DCLK2: variants seen among roughly 807,000 people sequenced by gnomAD.
DCLK2 encodes doublecortin like kinase 2.
Under a neutral mutation model 78.4 loss-of-function variants are expected in DCLK2, and 31 were observed. The ratio of observed to expected loss-of-function variants is 0.40; its 90% CI spans 0.30 to 0.53. The LOEUF (loss-of-function observed/expected upper bound fraction) is 0.53. DCLK2 is among the 20% of genes least tolerant of loss of function. The pLI is 0.61. For synonymous variants in DCLK2, 407 were observed against 374.9 expected (o/e 1.09, Z -0.99); for missense variants, 872 against 973.7 (o/e 0.90, Z 1.39).
intron 7 of DCLK2, among the ~76,000 whole-genome samples, chr4:150,223,684 C>T (rs1039959179): frequency 2.6e-5 from 4 of 152,020 alleles, no homozygotes; most frequent in Non-Finnish European, 5.9e-5. Flanking sequence ...GCGGAGGATG[C>T]AGTGAGCCAA....
At chr4:150,150,476 C>CTA (rs1020503814) in intron 2 of DCLK2, among the ~76,000 whole-genome samples, 1 of 151,924 alleles carries the variant, frequency 6.6e-6, no homozygotes, top group African/African-American at 2.4e-5. Flanking sequence ...CATTTTATTA[C>CTA]TAAAAAATAA....
chr4:150,098,550 C>T (rs184488710), intron 1 of DCLK2, among the ~76,000 whole-genome samples: 21 of 152,066 alleles, frequency 1.4e-4, no homozygotes, highest in African/African-American at 4.3e-4. Context: ...TTTTGGGGTA[C>T]GAGTGGTTTA....
chr4:150,243,875 T>C (rs987375355), intron 12 of DCLK2, among the ~76,000 whole-genome samples: 11 of 151,460 alleles, frequency 7.3e-5, no homozygotes, highest in Admixed American at 6.6e-4. Context: ...CTTTTTTTTT[T>C]TTTTTTTTGG....
At chr4:150,198,482 C>CG (rs5862911) in intron 4 of DCLK2, among the ~76,000 whole-genome samples, 76,172 of 151,906 alleles carry the variant, frequency 0.5, 21,214 homozygotes, top group Non-Finnish European at 0.64. Flanking sequence ...CACATGCACA[C>CG]ACTCTGCCCA....
intron 2 of DCLK2, among the ~76,000 whole-genome samples, chr4:150,192,266 G>GT (rs892226741): frequency 9.9e-5 from 15 of 152,170 alleles, no homozygotes; most frequent in African/African-American, 3.6e-4. Context: ...AGATCACGAG[G>GT]TCAGGAGATC....
chr4:150,182,654 A>G (rs1331377332), intron 2 of DCLK2, among the ~76,000 whole-genome samples: 1 of 152,124 alleles, frequency 6.6e-6, no homozygotes, highest in Non-Finnish European at 1.5e-5. Flanking sequence ...TATATGTAGT[A>G]GAATATTGTT....
intron 2 of DCLK2, among the ~76,000 whole-genome samples, chr4:150,168,808 C>G (rs1736292963): frequency 6.6e-6 from 1 of 152,208 alleles, no homozygotes. Context: ...ATCCACAATT[C>G]TCACTGATCA....
At chr4:150,089,116 C>T (rs1729868101) in intron 1 of DCLK2, among the ~76,000 whole-genome samples, 1 of 150,136 alleles carries the variant, frequency 6.7e-6, no homozygotes, top group Non-Finnish European at 1.5e-5. Context: ...CTGGTCCAAG[C>T]ATTTTGGATA....
rs771956460 is a variant in DCLK2 at position 150,102,792 on chromosome 4, T to C, written c.736T>C (p.Cys246Arg). The part of the protein sequence containing the change: ...KLDSGVVKRL[C>R]TLDGKQVTCL... ...AGACTCAGGAGTCGTCAAGAGGCTC[T>C]GCACCCTGGATGGAAAGCAGGTAAG... The change falls in exon 2 of 16, where the codon TGC becomes CGC. Residue 246 changes from cysteine to arginine, a missense_variant. Coordinates refer to ENST00000296550, the MANE Select transcript of DCLK2 (RefSeq NM_001040260.4). 6.2e-7 allele frequency: 1 copy of C among 1,607,342 alleles called. No homozygotes were observed. Among genetic ancestry groups the C allele is most frequent in the Non-Finnish European group, 8.5e-7 (1 of 1,176,628 alleles).
chr4:150,227,875 C>T (rs1741732726), intron 8 of DCLK2, among the ~76,000 whole-genome samples: 1 of 152,138 alleles, frequency 6.6e-6, no homozygotes, highest in Admixed American at 6.5e-5. Flanking sequence ...GTATTCGTTT[C>T]CCCAGGCTGT....
intron 2 of DCLK2, among the ~76,000 whole-genome samples, chr4:150,127,135 TC>T (rs1476866293): frequency 3.3e-5 from 5 of 152,210 alleles, no homozygotes; most frequent in African/African-American, 1.2e-4. Flanking sequence ...TTAGTGTTGG[TC>T]ACTTGGTTAA....
At chr4:150,161,301 T>A (rs1377396760) in intron 2 of DCLK2, among the ~76,000 whole-genome samples, 1 of 152,182 alleles carries the variant, frequency 6.6e-6, no homozygotes, top group Non-Finnish European at 1.5e-5. Context: ...TCAACTAACC[T>A]CTATAAATTA....
chr4:150,108,656 A>C (rs1731442720), intron 2 of DCLK2, among the ~76,000 whole-genome samples: 1 of 152,200 alleles, frequency 6.6e-6, no homozygotes, highest in Admixed American at 6.5e-5. Flanking sequence ...TGAAAGAGTG[A>C]CATTCTCATA....
At chr4:150,122,552 A>G (rs1050926728) in intron 2 of DCLK2, among the ~76,000 whole-genome samples, 4 of 152,194 alleles carry the variant, frequency 2.6e-5, no homozygotes, top group Non-Finnish European at 5.9e-5. Flanking sequence ...GAGTTGAACG[A>G]TAAGAACACA....
At chr4:150,165,261 TTGTC>T (rs1242058332) in intron 2 of DCLK2, among the ~76,000 whole-genome samples, 4 of 152,252 alleles carry the variant, frequency 2.6e-5, no homozygotes, top group African/African-American at 9.6e-5. Flanking sequence ...CTTCTGATCT[TTGTC>T]TGCCTTTGAG....
At chr4:150,099,507 A>G (rs962256984) in intron 1 of DCLK2, among the ~76,000 whole-genome samples, 4 of 152,244 alleles carry the variant, frequency 2.6e-5, no homozygotes, top group African/African-American at 9.6e-5. Flanking sequence ...GGGACATTAT[A>G]AGACAAGCTA....
Position 150,256,119 on chromosome 4 carries a change from G to C in DCLK2, c.2173G>C (p.Val725Leu). The part of the protein sequence containing the change: ...MEPISPVPPS[V>L]EEIPVPGEAV... Reference sequence around the variant, plus strand: ...GCCCATCTCTCCAGTTCCTCCCTCAGTGGAGGAGATCCCTGTGCCTGGGGA... The same window carrying C: ...GCCCATCTCTCCAGTTCCTCCCTCACTGGAGGAGATCCCTGTGCCTGGGGA... Residue 725 changes from valine to leucine, a missense_variant, in exon 16 of 16, where the codon GTG (valine) becomes CTG (leucine). Physicochemically the swap from Val to Leu is conservative, Grantham distance 32. This residue lies in a region of DCLK2 where 219 missense variants were observed against 230.1 expected (regional missense o/e 0.95). Transcript: ENST00000296550. 6.2e-7 allele frequency: 1 copy of C among 1,612,638 alleles called. No individual in the cohort carries two copies. Among genetic ancestry groups the C allele is most frequent in the Non-Finnish European group, 8.5e-7 (1 of 1,179,854 alleles).
chr4:150,210,673 C>T (rs1339737790), intron 5 of DCLK2, among the ~76,000 whole-genome samples: 1 of 152,096 alleles, frequency 6.6e-6, no homozygotes, highest in Non-Finnish European at 1.5e-5. Flanking sequence ...TCTGGCAAGG[C>T]ACAGTCGCTC....
intron 1 of DCLK2, among the ~76,000 whole-genome samples, chr4:150,101,026 G>A (rs1252894033): frequency 6.6e-6 from 1 of 152,130 alleles, no homozygotes; most frequent in East Asian, 1.9e-4. Context: ...GTCAAGGTGG[G>A]TGACTCGCTT....
Sources: allele counts gnomAD v4.1 joint callset (sites outside exome capture counted in the v4.1 genomes callset), GRCh38; gene constraint gnomAD v4.1.1; regional missense constraint gnomAD v4.1.1; transcripts MANE v1.5; gene names NCBI Gene and HGNC (gene_info 2026-07-23, HGNC 2026-07-21).